The following PATJ variants were observed in gnomAD, a reference collection of about 807,000 sequenced individuals.
The protein encoded by PATJ is inaD-like protein.
Under a neutral mutation model 224.9 loss-of-function variants are expected in PATJ, and 190 were observed. The observed-to-expected ratio is 0.84, with a 90% CI of 0.75 to 0.95. The LOEUF (loss-of-function observed/expected upper bound fraction) is 0.95. PATJ is among the 40% of genes least tolerant of loss of function. PATJ has a pLI of 0.00. For missense variants in PATJ, 2,121 were observed against 2,270.3 expected (o/e 0.93, Z 1.34); for synonymous variants, 769 against 820.3 (o/e 0.94, Z 1.07).
chr1:61,755,496 A>T (rs535858329), intron 1 of PATJ, among the ~76,000 whole-genome samples: 1 of 152,264 alleles, frequency 6.6e-6, no homozygotes, highest in East Asian at 1.9e-4. Flanking sequence ...TGTGTGTTTT[A>T]AAAAGTTTGA....
rs1226608462 is a variant in PATJ at position 61,797,992 on chromosome 1, G to A, written c.1402+564G>A. Among the ~76,000 whole-genome samples, 3 of 152,056 alleles carry A rather than the reference G, an allele frequency of 2.0e-5. No homozygotes were observed. In the East Asian group the frequency reaches 5.8e-4, roughly 29 times the overall value. ...TAATTCTGTTTGTATCTTTAGTAGA[G>A]ATAGGGTTTCACCGTGTTGGTAAGG... On this transcript the variant is annotated intron_variant, in intron 11 of 43. Transcript: ENST00000642238.
chr1:62,138,145 T>A (rs2148986791), intron 41 of PATJ, among the ~76,000 whole-genome samples: 1 of 152,278 alleles, frequency 6.6e-6, no homozygotes, highest in East Asian at 1.9e-4. Context: ...AAATGCCTAG[T>A]GAGACTTTAA....
chr1:61,793,075 A>AT (rs892455601), intron 9 of PATJ, among the ~76,000 whole-genome samples: 1 of 151,108 alleles, frequency 6.6e-6, no homozygotes, highest in Admixed American at 6.6e-5. Flanking sequence ...TATTATTATC[A>AT]TTTTTTTTCT....
In PATJ at chr1:61,928,778, TTAATA is replaced by T. The variant is rs957556269; in HGVS notation, c.3670+955_3670+959del. On this transcript the variant is annotated intron_variant, in intron 27 of 43. Coordinates refer to ENST00000642238, the MANE Select transcript of PATJ (RefSeq NM_001350145.3). ...ATAATAATTACTATTTATATTTTTC[TTAATA>T]TAATAACGAATATATAAATAGAAAT... Among the ~76,000 whole-genome samples, 42 of 151,474 alleles carry T rather than the reference TTAATA, an allele frequency of 2.8e-4. 1 individual carries two copies. In the South Asian group the frequency reaches 8.3e-3, roughly 30 times the overall value.
chr1:61,892,603 A>T (rs1189436911), intron 22 of PATJ, among the ~76,000 whole-genome samples: 4 of 152,144 alleles, frequency 2.6e-5, no homozygotes, highest in African/African-American at 9.7e-5. Context: ...CTTTGGGGAA[A>T]AATTTGGTTA....
At chr1:61,989,479 T>G (rs1268914267) in intron 27 of PATJ, among the ~76,000 whole-genome samples, 1 of 152,188 alleles carries the variant, frequency 6.6e-6, no homozygotes, top group Non-Finnish European at 1.5e-5. Flanking sequence ...TTGGTACCCT[T>G]TGTATTAATA....
At chr1:62,041,848 G>T (rs373526207) in intron 30 of PATJ, among the ~76,000 whole-genome samples, 1 of 152,094 alleles carries the variant, frequency 6.6e-6, no homozygotes, top group African/African-American at 2.4e-5. Flanking sequence ...GGCTAACATG[G>T]TGAAACCTCC....
chr1:61,838,245 G>A (rs955271155), intron 17 of PATJ, among the ~76,000 whole-genome samples: 2 of 152,228 alleles, frequency 1.3e-5, no homozygotes, highest in South Asian at 4.1e-4. Flanking sequence ...TATGTGTGCC[G>A]TATTAGGAGA....
chr1:62,052,667 A>C (rs534464070), intron 31 of PATJ, among the ~76,000 whole-genome samples: 1 of 151,644 alleles, frequency 6.6e-6, no homozygotes, highest in South Asian at 2.1e-4. Flanking sequence ...GCTTGAACCC[A>C]GGGGGAGGCA....
intron 32 of PATJ, among the ~76,000 whole-genome samples, chr1:62,083,745 C>A (rs920479443): frequency 1.3e-5 from 2 of 152,066 alleles, no homozygotes; most frequent in African/African-American, 4.8e-5. Flanking sequence ...GTATTTCATA[C>A]TTTATTGATT....
At chr1:62,099,029 CA>C (rs1194583827) in intron 33 of PATJ, among the ~76,000 whole-genome samples, 1 of 152,122 alleles carries the variant, frequency 6.6e-6, no homozygotes, top group East Asian at 1.9e-4. Context: ...CATCACAAAT[CA>C]GTAACTTAAT....
At chr1:61,910,997 A>G (rs1672552994) in intron 25 of PATJ, among the ~76,000 whole-genome samples, 1 of 152,202 alleles carries the variant, frequency 6.6e-6, no homozygotes, top group African/African-American at 2.4e-5. Context: ...AATCATTTTT[A>G]TCTAGTTTAC....
intron 18 of PATJ, among the ~76,000 whole-genome samples, chr1:61,860,031 A>G (rs1664304412): frequency 6.6e-6 from 1 of 152,134 alleles, no homozygotes; most frequent in Non-Finnish European, 1.5e-5. Context: ...GTGAATATAT[A>G]ATGGTGATGA....
intron 28 of PATJ, among the ~76,000 whole-genome samples, chr1:61,992,080 T>C (rs1645095178): frequency 6.6e-6 from 1 of 151,756 alleles, no homozygotes; most frequent in Admixed American, 6.6e-5. Flanking sequence ...AGACCCGTGT[T>C]ACAGCCACTA....
At chr1:61,934,149 G>A (rs1366768734) in intron 27 of PATJ, among the ~76,000 whole-genome samples, 2 of 144,254 alleles carry the variant, frequency 1.4e-5, no homozygotes, top group Non-Finnish European at 1.5e-5. Context: ...ATGGAGTTTC[G>A]CTCTTGTTGC....
intron 15 of PATJ, among the ~76,000 whole-genome samples, chr1:61,826,072 T>C (rs1658193194): frequency 6.6e-6 from 1 of 152,206 alleles, no homozygotes; most frequent in Admixed American, 6.5e-5. Flanking sequence ...CCTCTTCATT[T>C]GTCATGAAGA....
chr1:61,923,825 G>A (rs1674694661), intron 26 of PATJ, among the ~76,000 whole-genome samples: 1 of 151,586 alleles, frequency 6.6e-6, no homozygotes, highest in Non-Finnish European at 1.5e-5. Context: ...GGGAGGCTGA[G>A]GAAGGAGACT....
intron 17 of PATJ, among the ~76,000 whole-genome samples, chr1:61,840,035 C>T (rs576162166): frequency 4.5e-4 from 69 of 151,806 alleles, no homozygotes; most frequent in Non-Finnish European, 9.6e-4. Context: ...TAAAAATTGA[C>T]AGTTATTAAT....
chr1:61,797,640 G>A lies in PATJ; in HGVS notation c.1402+212G>A, dbSNP rs115579843. 3.4e-3 allele frequency among the ~76,000 whole-genome samples: 522 copies of A among 152,294 alleles called. 1 individual carries two copies. The highest frequency in any genetic ancestry group is 6.0e-3 in the Non-Finnish European group (406 of 68,022). ...GAATGGTAGGATGTGCACCCGACAT[G>A]CACTAAGCTCTGAGAGCATCTCTAA... On this transcript the variant is annotated intron_variant, in intron 11 of 43. Transcript: ENST00000642238.
Sources: gnomAD v4.1 joint callset for allele counts (sites outside exome capture counted in the v4.1 genomes callset) on GRCh38, gnomAD v4.1.1 for gene constraint, MANE v1.5 for transcripts, NCBI Gene and HGNC (gene_info 2026-07-23, HGNC 2026-07-21) for gene names.